The following NRG1 variants were observed in gnomAD, a reference collection of about 807,000 sequenced individuals.
NRG1 encodes the protein neuregulin 1, also known as pro-neuregulin-1, membrane-bound isoform.
In NRG1, 18 loss-of-function variants were observed where a neutral mutation model predicts 63.8. That is an observed-to-expected ratio of 0.28 (90% confidence interval 0.19 to 0.42). The LOEUF (loss-of-function observed/expected upper bound fraction) is 0.42, where lower values mean the gene tolerates loss of function less well. Ranked by LOEUF, NRG1 falls within the 10% of genes least tolerant of loss-of-function variation. NRG1 has a pLI of 1.00. For synonymous variants in NRG1, 302 were observed against 301.3 expected (o/e 1.00, Z -0.02); for missense variants, 762 against 814.7 (o/e 0.94, Z 0.79).
At chr8:31,721,897 C>T (rs1010889875) in intron 1 of NRG1, among the ~76,000 whole-genome samples, 1 of 152,140 alleles carries the variant, frequency 6.6e-6, no homozygotes, top group Non-Finnish European at 1.5e-5. Context: ...CATAATCCCT[C>T]TCACCAGAAT....
At chr8:32,386,249 G>A (rs115689631) in intron 1 of NRG1, among the ~76,000 whole-genome samples, 4 of 152,176 alleles carry the variant, frequency 2.6e-5, no homozygotes, top group Admixed American at 1.3e-4. Flanking sequence ...CTGCATGCAT[G>A]TGCCACCACA....
chr8:32,485,822 A>G (rs1270810592), intron 1 of NRG1, among the ~76,000 whole-genome samples: 1 of 152,248 alleles, frequency 6.6e-6, no homozygotes, highest in Non-Finnish European at 1.5e-5. Context: ...CGTCTTATTT[A>G]GGTGATCATA....
chr8:32,654,078 A>G (rs562951594), intron 5 of NRG1, among the ~76,000 whole-genome samples: 2 of 152,198 alleles, frequency 1.3e-5, no homozygotes, highest in Non-Finnish European at 2.9e-5. Context: ...GTCACTTCCT[A>G]AGTGAGAAAA....
intron 1 of NRG1, among the ~76,000 whole-genome samples, chr8:31,950,277 C>A (rs187702004): frequency 2.7e-4 from 41 of 152,142 alleles, no homozygotes; most frequent in African/African-American, 9.9e-4. Flanking sequence ...TTAGTGTAAT[C>A]GGGTTGTTTG....
intron 1 of NRG1, among the ~76,000 whole-genome samples, chr8:32,183,242 A>C (rs1841619315): frequency 1.3e-5 from 2 of 152,264 alleles, no homozygotes; most frequent in South Asian, 4.1e-4. Context: ...TTGAGAAGAC[A>C]GGGGATTTAT....
At chr8:32,764,065 A>C (rs1338755996) in exon 12 of NRG1, 2 of 1,613,992 alleles carry the variant, frequency 1.2e-6, no homozygotes, top group Non-Finnish European at 1.7e-6. Flanking sequence ...GAAACGACCC[A>C]AGAGTACGAG....
chr8:32,737,379 C>T (rs1021932488), intron 6 of NRG1, among the ~76,000 whole-genome samples: 6 of 151,870 alleles, frequency 4.0e-5, no homozygotes, highest in Non-Finnish European at 7.4e-5. Context: ...GGCAAAACCC[C>T]GTCTCTACTG....
intron 1 of NRG1, among the ~76,000 whole-genome samples, chr8:32,566,174 T>A (rs555164215): frequency 2.6e-5 from 4 of 152,060 alleles, no homozygotes; most frequent in Admixed American, 2.0e-4. Flanking sequence ...CTGACCAACA[T>A]GGCGAAACCC....
intron 1 of NRG1, among the ~76,000 whole-genome samples, chr8:32,083,075 C>T (rs1291780986): frequency 1.3e-5 from 2 of 152,162 alleles, no homozygotes; most frequent in African/African-American, 4.8e-5. Context: ...GATGTGGGCG[C>T]AGTCATGAGT....
At chr8:32,436,577 T>A (rs1245837138) in intron 1 of NRG1, among the ~76,000 whole-genome samples, 1 of 152,212 alleles carries the variant, frequency 6.6e-6, no homozygotes, top group Non-Finnish European at 1.5e-5. Context: ...AATTGCTAAA[T>A]TAAGCATGAG....
intron 1 of NRG1, among the ~76,000 whole-genome samples, chr8:32,290,928 C>T (rs184707170): frequency 2.7e-5 from 4 of 146,312 alleles, no homozygotes; most frequent in Non-Finnish European, 3.1e-5. Context: ...TGTGTGTGTG[C>T]ATGCATTTGT....
chr8:31,864,657 C>T (rs962422225), intron 1 of NRG1, among the ~76,000 whole-genome samples: 7 of 152,078 alleles, frequency 4.6e-5, no homozygotes, highest in African/African-American at 1.7e-4. Flanking sequence ...TGGTCAGGGG[C>T]CAGTTCTGTA....
intron 1 of NRG1, among the ~76,000 whole-genome samples, chr8:31,778,588 G>A (rs1459437588): frequency 4.6e-5 from 7 of 152,164 alleles, no homozygotes; most frequent in Non-Finnish European, 1.0e-4. Flanking sequence ...AACACTGAAC[G>A]TAGAAATGCA....
At chr8:32,609,821 C>G (rs951906945) in intron 3 of NRG1, among the ~76,000 whole-genome samples, 6 of 151,280 alleles carry the variant, frequency 4.0e-5, no homozygotes, top group African/African-American at 1.5e-4. Context: ...CTAGACACCC[C>G]CCACCACACC....
chr8:32,752,184 G>T (rs999041825), intron 7 of NRG1, among the ~76,000 whole-genome samples: 1 of 152,118 alleles, frequency 6.6e-6, no homozygotes, highest in African/African-American at 2.4e-5. Flanking sequence ...TGCATCCTGG[G>T]TCCCAGGGAG....
chr8:31,883,343 C>A (rs1351825100), intron 1 of NRG1, among the ~76,000 whole-genome samples: 1 of 152,056 alleles, frequency 6.6e-6, no homozygotes, highest in African/African-American at 2.4e-5. Context: ...CAGTATAGTA[C>A]AACTTTTGTA....
chr8:32,756,548 G>A lies in NRG1; in HGVS notation c.921+19G>A. 6.3e-7 allele frequency: 1 copy of A among 1,595,182 alleles called. No individual in the cohort carries two copies. The highest frequency in any genetic ancestry group is 2.3e-5 in the East Asian group (1 of 44,220). On this transcript the variant is annotated intron_variant, in intron 9 of 11. Coordinates refer to ENST00000356819, the Ensembl canonical transcript of NRG1. Reference sequence around the variant, plus strand: ...GGTGAATGTACGTTGACTCTGGCCAGTGGAAAAAACTGAGCCTCTCTCCTT... The same window carrying A: ...GGTGAATGTACGTTGACTCTGGCCAATGGAAAAAACTGAGCCTCTCTCCTT...
chr8:32,743,661 G>T (rs927329996), intron 7 of NRG1, among the ~76,000 whole-genome samples: 2 of 148,506 alleles, frequency 1.3e-5, no homozygotes, highest in Non-Finnish European at 3.0e-5. Context: ...CTGAAGTTTT[G>T]AACATCATTC....
chr8:32,117,070 A>G (rs1832826306), intron 1 of NRG1, among the ~76,000 whole-genome samples: 2 of 151,306 alleles, frequency 1.3e-5, no homozygotes, highest in South Asian at 4.2e-4. Flanking sequence ...TGAGCCCAGG[A>G]GGTCCAGGTT....
Sources: gnomAD v4.1 joint callset for allele counts (sites outside exome capture counted in the v4.1 genomes callset) on GRCh38, gnomAD v4.1.1 for gene constraint, MANE v1.5 for transcripts, NCBI Gene and HGNC (gene_info 2026-07-23, HGNC 2026-07-21) for gene names.